The following PPA2 variants were observed in gnomAD, a reference collection of about 807,000 sequenced individuals.
PPA2 encodes the protein inorganic pyrophosphatase 2.
PPA2 carries 48 observed loss-of-function variants against 49.5 expected under a neutral mutation model. That is an observed-to-expected ratio of 0.97 (90% confidence interval 0.77 to 1.23). PPA2 has a LOEUF of 1.23. Among genes scored for constraint, PPA2 ranks in the 50% most tolerant of loss-of-function variants. PPA2 has a pLI of 0.00. For synonymous variants in PPA2, 131 were observed against 139.9 expected (o/e 0.94, Z 0.45); for missense variants, 429 against 410.1 (o/e 1.05, Z -0.40).
chr4:105,438,453 T>C (rs1724175639), intron 5 of PPA2, among the ~76,000 whole-genome samples: 1 of 152,180 alleles, frequency 6.6e-6, no homozygotes, highest in Non-Finnish European at 1.5e-5. Context: ...CACATGGATC[T>C]AAATTACTAA....
chr4:105,414,242 A>T (rs1038197372), intron 7 of PPA2, among the ~76,000 whole-genome samples: 1 of 152,258 alleles, frequency 6.6e-6, no homozygotes, highest in Admixed American at 6.5e-5. Context: ...GCAAAAGGCA[A>T]TTTGATAATA....
chr4:105,455,219 C>T (rs1403877810), intron 2 of PPA2, among the ~76,000 whole-genome samples: 2 of 152,144 alleles, frequency 1.3e-5, no homozygotes. Context: ...AATGCATGCA[C>T]TTTTAGCCAA....
chr4:105,416,203 T>A (rs967518723), intron 7 of PPA2, among the ~76,000 whole-genome samples: 2 of 152,326 alleles, frequency 1.3e-5, no homozygotes, highest in African/African-American at 4.8e-5. Context: ...TCCACAAATG[T>A]TAGGACGAAA....
rs1279255765 is a variant in PPA2 at position 105,449,350 on chromosome 4, C to T, written c.321G>A (p.Glu107=). 2 of 1,555,442 alleles carry T rather than the reference C, an allele frequency of 1.3e-6. No homozygotes were observed. The highest frequency in any genetic ancestry group is 1.4e-5 in the African/African-American group (1 of 73,032). ...TCATATTAATAAAGTATATCGGTAC[C>T]TCCATTTTAGCATTTGTCCACCGAG... ...EIPRWTNAKM[E]IATKEPMNPI... is the part of the protein sequence containing the mutation. The change falls in exon 4 of 12, where the codon GAG becomes GAA. Residue 107 remains glutamate (E), a splice_region_variant and synonymous_variant. Transcript: ENST00000341695.
intron 7 of PPA2, among the ~76,000 whole-genome samples, chr4:105,413,967 TA>T (rs1722881185): frequency 6.6e-6 from 1 of 152,046 alleles, no homozygotes; most frequent in Non-Finnish European, 1.5e-5. Context: ...ACCTAAATAA[TA>T]AAGGGTTAAT....
intron 7 of PPA2, among the ~76,000 whole-genome samples, chr4:105,412,955 C>G (rs1418595868): frequency 1.3e-5 from 2 of 152,118 alleles, no homozygotes; most frequent in African/African-American, 4.8e-5. Context: ...ACCAGAAATA[C>G]CATTTGACCC....
chr4:105,449,751 G>C (rs980487472), intron 3 of PPA2, among the ~76,000 whole-genome samples: 18 of 152,280 alleles, frequency 1.2e-4, no homozygotes, highest in South Asian at 4.1e-4. Context: ...CCTCATGTAA[G>C]GATTCAGTCT....
rs566836108 is a variant in PPA2, at chr4:105,447,317, C to T, written c.322-815G>A. ...GAAAGACAAATATCTCATGTTCTCACCTATATGTGGAATCTAAAAAATTGA... is the reference window on the plus strand; with the variant it reads ...GAAAGACAAATATCTCATGTTCTCATCTATATGTGGAATCTAAAAAATTGA... On this transcript the variant is annotated intron_variant, in intron 4 of 11. Coordinates refer to ENST00000341695, the MANE Select transcript of PPA2 (RefSeq NM_176869.3). 1.1e-3 allele frequency among the ~76,000 whole-genome samples: 163 copies of T among 152,046 alleles called. 1 individual carries two copies. The highest frequency in any genetic ancestry group is 4.8e-3 in the South Asian group (23 of 4,808).
intron 2 of PPA2, among the ~76,000 whole-genome samples, chr4:105,454,900 A>G (rs1479067294): frequency 1.4e-4 from 21 of 151,908 alleles, no homozygotes; most frequent in Admixed American, 1.4e-3. Context: ...TTCCACCTCT[A>G]CCTCTATCTA....
intron 6 of PPA2, among the ~76,000 whole-genome samples, chr4:105,430,495 C>A (rs914368350): frequency 6.6e-6 from 1 of 152,130 alleles, no homozygotes; most frequent in African/African-American, 2.4e-5. Context: ...GACTTAGACA[C>A]CCCAGGGCCG....
chr4:105,415,079 G>A (rs543378932), intron 7 of PPA2, among the ~76,000 whole-genome samples: 4 of 152,286 alleles, frequency 2.6e-5, no homozygotes, highest in Admixed American at 6.5e-5. Flanking sequence ...GAGGAAGTGT[G>A]TGCTGATTGG....
intron 10 of PPA2, among the ~76,000 whole-genome samples, chr4:105,381,182 T>C (rs1733474087): frequency 6.6e-6 from 1 of 152,124 alleles, no homozygotes; most frequent in Non-Finnish European, 1.5e-5. Flanking sequence ...GTATGTTTCC[T>C]CTTTTGTGAG....
intron 10 of PPA2, among the ~76,000 whole-genome samples, chr4:105,377,622 T>A (rs1197879414): frequency 6.6e-6 from 1 of 152,138 alleles, no homozygotes; most frequent in East Asian, 1.9e-4. Flanking sequence ...TATACACTCA[T>A]GAAGCCATCA....
At chr4:105,390,285 T>C (rs1208161348) in intron 9 of PPA2, among the ~76,000 whole-genome samples, 1 of 151,854 alleles carries the variant, frequency 6.6e-6, no homozygotes, top group Non-Finnish European at 1.5e-5. Context: ...CCATAAACAA[T>C]TACAACAAAA....
chr4:105,411,807 G>C (rs1242099745), intron 7 of PPA2, among the ~76,000 whole-genome samples: 15 of 152,100 alleles, frequency 9.9e-5, no homozygotes, highest in Non-Finnish European at 2.1e-4. Flanking sequence ...CAGACAAACA[G>C]AGAGCCAAAT....
intron 1 of PPA2, among the ~76,000 whole-genome samples, chr4:105,465,673 C>T (rs779634411): frequency 7.9e-5 from 12 of 152,134 alleles, no homozygotes; most frequent in Non-Finnish European, 1.5e-4. Flanking sequence ...AGGAGGAAAA[C>T]TCTTTTCTCT....
intron 3 of PPA2, among the ~76,000 whole-genome samples, chr4:105,450,012 C>T (rs762240389): frequency 2.0e-5 from 3 of 152,054 alleles, no homozygotes; most frequent in Non-Finnish European, 2.9e-5. Context: ...TTCAGACTCC[C>T]TAAAGTTACA....
chr4:105,410,990 G>A (rs1164620159), intron 7 of PPA2, among the ~76,000 whole-genome samples: 2 of 152,186 alleles, frequency 1.3e-5, no homozygotes, highest in African/African-American at 2.4e-5. Context: ...TCAACACTAT[G>A]AAGAAACAGC....
At chr4:105,445,236 G>T (rs1724553845) in intron 5 of PPA2, among the ~76,000 whole-genome samples, 1 of 152,120 alleles carries the variant, frequency 6.6e-6, no homozygotes, top group African/African-American at 2.4e-5. Context: ...GGCTTCTTCA[G>T]CATTACCCTC....
Sources: gnomAD v4.1 joint callset for allele counts (sites outside exome capture counted in the v4.1 genomes callset) on GRCh38, gnomAD v4.1.1 for gene constraint, MANE v1.5 for transcripts, NCBI Gene and HGNC (gene_info 2026-07-23, HGNC 2026-07-21) for gene names.